Variants in MAP3K7 observed in about 807,000 individuals in gnomAD.
The protein encoded by MAP3K7 is mitogen-activated protein kinase kinase kinase 7.
MAP3K7 carries 21 observed loss-of-function variants against 84.8 expected under a neutral mutation model. That is an observed-to-expected ratio of 0.25 (90% CI 0.18 to 0.36). The LOEUF is 0.36. Ranked by LOEUF, MAP3K7 falls within the 10% of genes least tolerant of loss-of-function variation. The pLI, the probability that MAP3K7 is intolerant of heterozygous loss-of-function variation, is 1.00. For synonymous variants in MAP3K7, 241 were observed against 247.7 expected (o/e 0.97, Z 0.25); for missense variants, 503 against 747.7 (o/e 0.67, Z 3.82).
At chr6:90,561,507 C>A in intron 4 of MAP3K7, 115 bp downstream of exon 4, 1 of 642,232 alleles carries the variant, frequency 1.6e-6, no homozygotes. Context: ...AAAAATTATG[C>A]CCTTTTGGGA....
chr6:90,532,186 C>A (rs1473343863), intron 13 of MAP3K7, among the ~76,000 whole-genome samples: 1 of 152,086 alleles, frequency 6.6e-6, no homozygotes, highest in Admixed American at 6.5e-5. Flanking sequence ...CGATAAGAGA[C>A]CTTTAAAGCA....
intron 12 of MAP3K7, 41 bp downstream of exon 12, chr6:90,544,511 G>A (rs546202280): frequency 4.7e-5 from 73 of 1,544,836 alleles, no homozygotes; most frequent in African/African-American, 1.4e-4. Context: ...TCATTATTCC[G>A]GTTCCACAGC....
Position 90,516,192 on chromosome 6 carries a change from G to C in MAP3K7, c.*309C>G, listed in dbSNP as rs1324025819. 2.6e-6 allele frequency: 1 copy of C among 378,142 alleles called. No homozygotes were observed. Among genetic ancestry groups the C allele is most frequent in the East Asian group, 6.0e-5 (1 of 16,744 alleles). 23.4% of individuals were successfully genotyped at this position (378,142 alleles called of 1,614,324 possible). A position where few individuals can be genotyped will look rare whatever the true frequency, so the allele number is the denominator to read the frequency against. ...CATAGCAGCTAGTTTGATACCTCCT[G>C]TTCTGTTAGGCTAGCCTTCACACAA... On this transcript the variant is annotated 3_prime_UTR_variant, in exon 17 of 17. Coordinates refer to ENST00000369329, the MANE Select transcript of MAP3K7 (RefSeq NM_145331.3).
At chr6:90,530,429 C>A (rs1243978808) in intron 13 of MAP3K7, among the ~76,000 whole-genome samples, 1 of 152,118 alleles carries the variant, frequency 6.6e-6, no homozygotes, top group African/African-American at 2.4e-5. Context: ...AAATCTTTTG[C>A]AAAATGATTC....
chr6:90,563,503 G>A (rs922135453), intron 3 of MAP3K7, among the ~76,000 whole-genome samples: 4 of 152,178 alleles, frequency 2.6e-5, no homozygotes, highest in African/African-American at 7.2e-5. Flanking sequence ...ATGAAATGAA[G>A]CAAGAAGAGA....
At chr6:90,576,419 T>TCTCACACACACACA (rs1258151898) in intron 1 of MAP3K7, among the ~76,000 whole-genome samples, 26 of 136,876 alleles carry the variant, frequency 1.9e-4, no homozygotes, top group Non-Finnish European at 3.1e-4. Context: ...CTAGACTCTG[T>TCTCACACACACACA]CACACACACA....
intron 1 of MAP3K7, among the ~76,000 whole-genome samples, chr6:90,584,049 TA>T (rs1218829767): frequency 3.9e-5 from 6 of 152,168 alleles, no homozygotes; most frequent in Non-Finnish European, 4.4e-5. Flanking sequence ...GTTGAATTAT[TA>T]TTTTTTTTAC....
chr6:90,567,957 G>T (rs949709628), intron 3 of MAP3K7, among the ~76,000 whole-genome samples: 1 of 152,158 alleles, frequency 6.6e-6, no homozygotes, highest in Admixed American at 6.5e-5. Context: ...GCAAACTATT[G>T]CAAGGACAGA....
chr6:90,535,595 T>C (rs1775645847), intron 13 of MAP3K7, among the ~76,000 whole-genome samples: 1 of 152,074 alleles, frequency 6.6e-6, no homozygotes, highest in African/African-American at 2.4e-5. Context: ...AAATTATATA[T>C]GTCAAGTGTA....
intron 1 of MAP3K7, 74 bp from the exon 2 acceptor site, chr6:90,571,881 T>C (rs1776916415): frequency 1.2e-5 from 8 of 661,392 alleles, no homozygotes; most frequent in South Asian, 2.8e-5. Context: ...CAGCCCAATA[T>C]AAAAAACTAA....
At chr6:90,583,372 A>G (rs1181470804) in intron 1 of MAP3K7, among the ~76,000 whole-genome samples, 1 of 152,164 alleles carries the variant, frequency 6.6e-6, no homozygotes, top group Non-Finnish European at 1.5e-5. Flanking sequence ...ACTGACTCAC[A>G]AGTGAGAAGT....
At chr6:90,568,861 C>G (rs959372697) in intron 2 of MAP3K7, among the ~76,000 whole-genome samples, 1 of 152,088 alleles carries the variant, frequency 6.6e-6, no homozygotes, top group African/African-American at 2.4e-5. Context: ...GACATCTAAA[C>G]AAATAATTAA....
intron 2 of MAP3K7, among the ~76,000 whole-genome samples, chr6:90,569,621 G>A (rs35426651): frequency 1.6e-4 from 25 of 152,204 alleles, no homozygotes; most frequent in Admixed American, 4.6e-4. Context: ...GGGACTACAG[G>A]TGCACAGCCA....
chr6:90,531,109 A>C (rs922812451), intron 13 of MAP3K7, among the ~76,000 whole-genome samples: 8 of 152,188 alleles, frequency 5.3e-5, no homozygotes, highest in African/African-American at 1.7e-4. Context: ...ATACTAAGCC[A>C]AATTTAAACC....
chr6:90,559,971 A>G (rs1776453470), intron 5 of MAP3K7, 105 bp downstream of exon 5: 1 of 1,275,820 alleles, frequency 7.8e-7, no homozygotes, highest in African/African-American at 1.5e-5. Context: ...GAGAAAAGAG[A>G]AACTCCTGTA....
intron 13 of MAP3K7, among the ~76,000 whole-genome samples, chr6:90,526,650 A>C (rs1775331380): frequency 6.6e-6 from 1 of 152,046 alleles, no homozygotes; most frequent in African/African-American, 2.4e-5. Context: ...GTTAAAAAAA[A>C]GAATTTGCCT....
Position 90,570,780 on chromosome 6 carries a change from A to G in MAP3K7, c.231+917T>C, listed in dbSNP as rs1477069901. ...ATATGCTATTTCACCCAGCTTTGTG[A>G]AACTGCTAATGTAACAGGAAATGAT... On this transcript the variant is annotated intron_variant, in intron 2 of 16. Transcript: ENST00000369329. Among the ~76,000 whole-genome samples the G allele has an allele frequency of 3.3e-5, 5 of 152,284 alleles. No individual in the cohort carries two copies. The East Asian group carries it at 9.6e-4, about 29-fold the overall frequency.
chr6:90,570,499 G>A (rs976806153), intron 2 of MAP3K7, among the ~76,000 whole-genome samples: 1 of 152,138 alleles, frequency 6.6e-6, no homozygotes, highest in Non-Finnish European at 1.5e-5. Context: ...AAGACTAGAG[G>A]TTGATTCTTT....
Position 90,568,497 on chromosome 6 carries a change from T to TAC in MAP3K7, c.297+59_297+60dup. ...AAAACCCAAAAATAGCTACATAAAC[T>TAC]ACACACACACATCTGCCATGTCATT... is the stretch of plus-strand genomic sequence containing the variant. On this transcript the variant is annotated intron_variant, in intron 3 of 16. Transcript: ENST00000369329. The TAC allele has an allele frequency of 1.1e-5, 15 of 1,377,318 alleles. 1 individual carries two copies. Among genetic ancestry groups the TAC allele is most frequent in the Middle Eastern group, 3.7e-4 (2 of 5,428 alleles). The allele number at this position is 1,377,318 out of a possible 1,614,324, so 85.3% of individuals were successfully genotyped here.
Sources: gnomAD v4.1 joint callset for allele counts (sites outside exome capture counted in the v4.1 genomes callset) on GRCh38, gnomAD v4.1.1 for gene constraint, MANE v1.5 for transcripts, NCBI Gene and HGNC (gene_info 2026-07-23, HGNC 2026-07-21) for gene names.